PIGN: variants seen among roughly 807,000 people sequenced by gnomAD.
The protein encoded by PIGN is GPI ethanolamine phosphate transferase 1.
In PIGN, 117 loss-of-function variants were observed where a neutral mutation model predicts 125.4. The ratio of observed to expected loss-of-function variants is 0.93; its 90% CI spans 0.80 to 1.09. PIGN has a LOEUF of 1.09. Among genes scored for constraint, PIGN ranks in the 50% least tolerant of loss-of-function variants. The pLI, the probability that PIGN is intolerant of heterozygous loss-of-function variation, is 0.00. For synonymous variants in PIGN, 392 were observed against 377.8 expected (o/e 1.04, Z -0.44); for missense variants, 1,075 against 1,094.9 (o/e 0.98, Z 0.26).
intron 22 of PIGN, among the ~76,000 whole-genome samples, 174 bp from the exon 23 acceptor site, chr18:62,096,124 G>A (rs1162334374): frequency 4.6e-5 from 7 of 151,978 alleles, no homozygotes; most frequent in African/African-American, 1.2e-4. Flanking sequence ...ATAAAACCCC[G>A]TCTCTACTAA....
At chr18:62,136,177 G>C (rs187184149) in intron 14 of PIGN, 3 of 151,918 alleles carry the variant, frequency 2.0e-5, no homozygotes, top group Non-Finnish European at 2.9e-5. Context: ...ATTAGCATAA[G>C]AGATGTAAAT....
chr18:62,074,404 T>C (rs2033062313), intron 29 of PIGN, among the ~76,000 whole-genome samples: 1 of 152,322 alleles, frequency 6.6e-6, no homozygotes, highest in Admixed American at 6.5e-5. Context: ...CCTTCCTTCC[T>C]TCCCTCCCTC....
intron 25 of PIGN, 61 bp downstream of exon 25, chr18:62,088,695 T>A: frequency 1.1e-6 from 1 of 872,398 alleles, no homozygotes; most frequent in Non-Finnish European, 1.9e-6. Flanking sequence ...ACCTTCCATG[T>A]CTTCTTACTC....
chr18:62,072,587 G>A (rs1351453370), intron 30 of PIGN, 86 bp downstream of exon 30: 15 of 1,034,426 alleles, frequency 1.5e-5, no homozygotes, highest in Non-Finnish European at 2.2e-5. Flanking sequence ...ACTCTGTGAT[G>A]TTTGCACAGT....
chr18:62,034,022 T>G (rs2144896556), intron 23 of PIGN, among the ~76,000 whole-genome samples: 1 of 152,308 alleles, frequency 6.6e-6, no homozygotes, highest in Non-Finnish European at 1.5e-5. Context: ...GTCTGTGTGA[T>G]TCTAGAGTGC....
intron 1 of PIGN, among the ~76,000 whole-genome samples, chr18:62,166,598 T>C (rs751654685): frequency 6.6e-6 from 1 of 152,262 alleles, no homozygotes; most frequent in Middle Eastern, 3.4e-3. Context: ...TAAAGACACA[T>C]GCAGACATAT....
chr18:62,035,688 C>A (rs1488453159), intron 23 of PIGN, among the ~76,000 whole-genome samples: 1 of 151,892 alleles, frequency 6.6e-6, no homozygotes, highest in Non-Finnish European at 1.5e-5. Context: ...CCCCCCACCC[C>A]ACAACAGGCC....
chr18:62,143,553 T>C (rs2036213544), intron 10 of PIGN, among the ~76,000 whole-genome samples: 1 of 152,184 alleles, frequency 6.6e-6, no homozygotes. Flanking sequence ...ATTTGGTGTT[T>C]CCTGTGATGA....
In PIGN at chr18:62,114,551, G is replaced by A; in HGVS notation, c.1251+10C>T. On this transcript the variant is annotated intron_variant, in intron 15 of 30. Transcript: ENST00000640252. ...TCAGCTATTTATGTCTATAAGGCCGGTATACTTACCACTTCATCAAACTTT... is the reference window on the plus strand; with the variant it reads ...TCAGCTATTTATGTCTATAAGGCCGATATACTTACCACTTCATCAAACTTT... 1 of 1,459,714 alleles carries A rather than the reference G, an allele frequency of 6.9e-7. No homozygotes were observed. Among genetic ancestry groups the A allele is most frequent in the Admixed American group, 2.0e-5 (1 of 50,796 alleles). 90.4% of individuals were successfully genotyped at this position (1,459,714 alleles called of 1,614,324 possible).
intron 23 of PIGN, among the ~76,000 whole-genome samples, chr18:62,032,250 A>G (rs540535634): frequency 1.3e-5 from 2 of 152,340 alleles, no homozygotes; most frequent in African/African-American, 4.8e-5. Flanking sequence ...AATTCACACC[A>G]CTATACTAAG....
At chr18:62,126,477 T>A (rs761651654) in intron 14 of PIGN, among the ~76,000 whole-genome samples, 1 of 152,170 alleles carries the variant, frequency 6.6e-6, no homozygotes, top group African/African-American at 2.4e-5. Flanking sequence ...AACATAAAAA[T>A]CACTGTAATG....
chr18:62,022,701 A>G (rs2030067923), intron 23 of PIGN, among the ~76,000 whole-genome samples: 1 of 152,200 alleles, frequency 6.6e-6, no homozygotes, highest in Admixed American at 6.5e-5. Flanking sequence ...TGAAACTAGT[A>G]TTTATTTAGT....
At chr18:62,096,966 A>T (rs1292912085) in intron 22 of PIGN, among the ~76,000 whole-genome samples, 1 of 151,532 alleles carries the variant, frequency 6.6e-6, no homozygotes, top group African/African-American at 2.4e-5. Context: ...AGTCTTTGCT[A>T]TTGTGAATAG....
rs367663869 is a variant in PIGN, at chr18:62,114,163, A to G, written c.1251+398T>C. Among the ~76,000 whole-genome samples, 147 of 152,254 alleles carry G rather than the reference A, an allele frequency of 9.7e-4. 4 individuals are homozygous for G. In the South Asian group the frequency reaches 0.029, roughly 30 times the overall value. ...GATCACCTGATGTCAGAAGTTCAAG[A>G]CCAGCCTGGCCAACATGGCAAAACC... On this transcript the variant is annotated intron_variant, in intron 15 of 30. Transcript: ENST00000640252.
At chr18:62,034,184 A>C (rs953557887) in intron 23 of PIGN, among the ~76,000 whole-genome samples, 1 of 152,228 alleles carries the variant, frequency 6.6e-6, no homozygotes, top group Non-Finnish European at 1.5e-5. Flanking sequence ...AAACATTTTA[A>C]AACCATACAA....
intron 6 of PIGN, among the ~76,000 whole-genome samples, chr18:62,156,575 C>G (rs2036742833): frequency 6.6e-6 from 1 of 152,282 alleles, no homozygotes; most frequent in African/African-American, 2.4e-5. Flanking sequence ...AAGTGATCCA[C>G]CTGCCTCAGC....
In PIGN at chr18:62,043,412, TA is replaced by T. The variant is rs1007616381; in HGVS notation, c.*2443del. ...AGCCCCTAGTCCACCAAAACAAGTG[TA>T]AAAAGGTCGCAGGAGGGGAGGAGGA... is the stretch of plus-strand genomic sequence containing the variant. On this transcript the variant is annotated 3_prime_UTR_variant, in exon 31 of 31. Transcript: ENST00000640252. The T allele has an allele frequency of 2.6e-5, 4 of 152,180 alleles. No individual in the cohort carries two copies. The highest frequency in any genetic ancestry group is 9.6e-5 in the African/African-American group (4 of 41,512). 9.4% of individuals were successfully genotyped at this position (152,180 alleles called of 1,614,324 possible).
intron 22 of PIGN, among the ~76,000 whole-genome samples, chr18:62,096,666 T>C (rs1388208242): frequency 3.8e-5 from 5 of 131,320 alleles, no homozygotes; most frequent in South Asian, 5.5e-4. Context: ...TATCTCCCAA[T>C]GCTATCCCTT....
intron 22 of PIGN, among the ~76,000 whole-genome samples, chr18:62,099,209 AAC>A (rs1308345141): frequency 6.6e-6 from 1 of 152,088 alleles, no homozygotes; most frequent in African/African-American, 2.4e-5. Flanking sequence ...CTAATCTTAA[AAC>A]ACAGTGATTC....
Sources: gnomAD v4.1 joint callset for allele counts (sites outside exome capture counted in the v4.1 genomes callset) on GRCh38, gnomAD v4.1.1 for gene constraint, MANE v1.5 for transcripts, NCBI Gene and HGNC (gene_info 2026-07-23, HGNC 2026-07-21) for gene names.